The following BICD1 variants were observed in gnomAD, a reference collection of about 807,000 sequenced individuals.
BICD1 encodes protein bicaudal D homolog 1.
A neutral mutation model predicts 92.5 loss-of-function variants in BICD1; 35 were observed. The ratio of observed to expected loss-of-function variants is 0.38; its 90% CI spans 0.29 to 0.50. The LOEUF is 0.50. BICD1 is among the 20% of genes least tolerant of loss of function. The pLI is 0.93. For missense variants in BICD1, 950 were observed against 1,189.8 expected (o/e 0.80, Z 2.97); for synonymous variants, 429 against 465.1 (o/e 0.92, Z 1.00).
At chr12:32,319,774 C>T (rs900489990) in intron 4 of BICD1, among the ~76,000 whole-genome samples, 4 of 152,104 alleles carry the variant, frequency 2.6e-5, no homozygotes, top group Non-Finnish European at 4.4e-5. Flanking sequence ...GATGGGGTTT[C>T]ACCATGTTCA....
intron 4 of BICD1, among the ~76,000 whole-genome samples, chr12:32,306,960 T>C (rs1948247020): frequency 6.6e-6 from 1 of 151,036 alleles, no homozygotes; most frequent in Admixed American, 6.6e-5. Context: ...GAGATTGCAG[T>C]GAGCCGAGAT....
intron 1 of BICD1, among the ~76,000 whole-genome samples, chr12:32,130,042 A>G (rs1352899725): frequency 6.6e-6 from 1 of 152,220 alleles, no homozygotes; most frequent in Non-Finnish European, 1.5e-5. Flanking sequence ...ACATAATGCA[A>G]TAGGAAAAAA....
chr12:32,349,405 A>G (rs566582379), intron 8 of BICD1, among the ~76,000 whole-genome samples: 2 of 152,312 alleles, frequency 1.3e-5, no homozygotes, highest in South Asian at 2.1e-4. Flanking sequence ...ATAGGTACCC[A>G]GAGAAGCCAA....
chr12:32,235,800 A>G (rs887363420), intron 2 of BICD1, among the ~76,000 whole-genome samples: 3 of 151,002 alleles, frequency 2.0e-5, no homozygotes, highest in African/African-American at 4.9e-5. Context: ...TCCCAGGTTC[A>G]AGTGATTCTC....
intron 2 of BICD1, among the ~76,000 whole-genome samples, chr12:32,226,571 C>G (rs1041773461): frequency 6.6e-6 from 1 of 152,156 alleles, no homozygotes; most frequent in African/African-American, 2.4e-5. Context: ...GAGCATATCA[C>G]CAACCAGGCA....
rs1948190329 is a variant in BICD1, at chr12:32,305,608, A to G, written c.580-89A>G. The G allele has an allele frequency of 2.0e-5, 23 of 1,160,948 alleles. No homozygotes were observed. The South Asian group carries it at 3.9e-4, about 19-fold the overall frequency. The allele number at this position is 1,160,948 out of a possible 1,614,324, so 71.9% of individuals were successfully genotyped here. ...TTTTAGACTCATGTTGTATTTTGTT[A>G]AGTGATTAGGTCCACTAGAGTGTTT... is the stretch of plus-strand genomic sequence containing the variant. On this transcript the variant is annotated intron_variant, in intron 3 of 9. Coordinates refer to ENST00000652176, the MANE Select transcript of BICD1 (RefSeq NM_001714.4).
At chr12:32,281,913 G>A (rs11051898) in intron 2 of BICD1, among the ~76,000 whole-genome samples, 21,649 of 152,042 alleles carry the variant, frequency 0.14, 1,923 homozygotes, top group East Asian at 0.28. Flanking sequence ...TGGTTAAACC[G>A]TTACTGACAA....
chr12:32,349,376 ATAT>A (rs1434709295), intron 8 of BICD1, among the ~76,000 whole-genome samples: 1 of 152,168 alleles, frequency 6.6e-6, no homozygotes, highest in African/African-American at 2.4e-5. Flanking sequence ...CTAAGAAAAC[ATAT>A]TATGAGAAAG....
chr12:32,228,557 A>C (rs1565602622), intron 2 of BICD1, among the ~76,000 whole-genome samples: 1 of 152,202 alleles, frequency 6.6e-6, no homozygotes, highest in Non-Finnish European at 1.5e-5. Flanking sequence ...TATTGAGGCA[A>C]GGATAGGAAT....
At chr12:32,175,642 G>A (rs1357946336) in intron 1 of BICD1, among the ~76,000 whole-genome samples, 1 of 152,074 alleles carries the variant, frequency 6.6e-6, no homozygotes, top group Non-Finnish European at 1.5e-5. Flanking sequence ...AACATCCTTA[G>A]ATTACTGTTC....
At chr12:32,243,640 T>C (rs966064061) in intron 2 of BICD1, among the ~76,000 whole-genome samples, 2 of 152,126 alleles carry the variant, frequency 1.3e-5, no homozygotes, top group Non-Finnish European at 2.9e-5. Flanking sequence ...TGGTTTGTTA[T>C]TTTCCTTTTG....
rs1329108759 is a variant in BICD1 at position 32,380,235 on chromosome 12, A to G, written c.*2608A>G. ...GTATAGTTTACACTGAGCCATATTT[A>G]TTTATAGGCATTTAAAGTGAATCAG... On this transcript the variant is annotated 3_prime_UTR_variant, in exon 10 of 10. Coordinates refer to ENST00000652176, the MANE Select transcript of BICD1 (RefSeq NM_001714.4). The G allele has an allele frequency of 6.6e-6, 1 of 152,200 alleles. No homozygotes were observed. The highest frequency in any genetic ancestry group is 1.9e-4 in the East Asian group (1 of 5,200). 9.4% of individuals were successfully genotyped at this position (152,200 alleles called of 1,614,324 possible). A position where few individuals can be genotyped will look rare whatever the true frequency, so the allele number is the denominator to read the frequency against.
intron 1 of BICD1, among the ~76,000 whole-genome samples, chr12:32,166,388 C>T (rs1031647710): frequency 2.6e-5 from 4 of 151,910 alleles, no homozygotes; most frequent in African/African-American, 7.3e-5. Flanking sequence ...CACCTGCCTC[C>T]GCCACCCAAA....
At chr12:32,143,026 A>G (rs1292584687) in intron 1 of BICD1, among the ~76,000 whole-genome samples, 3 of 152,064 alleles carry the variant, frequency 2.0e-5, no homozygotes, top group African/African-American at 7.2e-5. Flanking sequence ...CATAGCACTT[A>G]TTACCTCCTG....
chr12:32,245,257 T>G (rs11051872), intron 2 of BICD1, among the ~76,000 whole-genome samples: 10 of 118,984 alleles, frequency 8.4e-5, no homozygotes, highest in African/African-American at 2.4e-4. Context: ...TTTGTTTTTT[T>G]TTTTTTTGAG....
At chr12:32,213,555 C>T (rs2121550395) in intron 1 of BICD1, among the ~76,000 whole-genome samples, 1 of 152,198 alleles carries the variant, frequency 6.6e-6, no homozygotes, top group East Asian at 1.9e-4. Context: ...ACCACCACGC[C>T]TGGCTAATTT....
In BICD1 at chr12:32,209,195, C is replaced by G. The variant is rs114385589; in HGVS notation, c.214-7052C>G. Among the ~76,000 whole-genome samples, 1,071 of 152,262 alleles carry G rather than the reference C, an allele frequency of 7.0e-3. 13 individuals carry two copies. The highest frequency in any genetic ancestry group is 0.024 in the African/African-American group (997 of 41,532). On this transcript the variant is annotated intron_variant, in intron 1 of 9. Transcript: ENST00000652176. ...TCATACCTCTTAAACTCTCAAATTC[C>G]ATGCCTTAATAAGGATTTTTATTAA...
At chr12:32,115,154 G>A (rs1565523719) in intron 1 of BICD1, among the ~76,000 whole-genome samples, 1 of 152,060 alleles carries the variant, frequency 6.6e-6, no homozygotes. Context: ...ATTGCACCCA[G>A]CCTTTTCTAT....
intron 1 of BICD1, among the ~76,000 whole-genome samples, chr12:32,149,727 A>G (rs958490142): frequency 6.6e-6 from 1 of 152,174 alleles, no homozygotes; most frequent in Non-Finnish European, 1.5e-5. Context: ...AAATCAAGGC[A>G]TCAGCAGATT....
Sources: allele counts gnomAD v4.1 joint callset (sites outside exome capture counted in the v4.1 genomes callset), GRCh38; gene constraint gnomAD v4.1.1; transcripts MANE v1.5; gene names NCBI Gene and HGNC (gene_info 2026-07-23, HGNC 2026-07-21).